Variants in SAMTOR observed in about 807,000 individuals in gnomAD.
SAMTOR encodes the protein UPF0532 protein C7orf60.
chr7:112,861,907 G>T, the SAMTOR span, among the ~76,000 whole-genome samples: 1 of 152,090 alleles, frequency 6.6e-6, no homozygotes, highest in Non-Finnish European at 1.5e-5. Flanking sequence ...TTGTATTTAT[G>T]ATTCCATCCT....
At chr7:112,886,885 GGCCAGGCACA>G in the SAMTOR span, among the ~76,000 whole-genome samples, 1 of 152,088 alleles carries the variant, frequency 6.6e-6, no homozygotes, top group South Asian at 2.1e-4. Context: ...GATCATACTG[GGCCAGGCACA>G]GCGGCTCACT....
At chr7:112,879,112 G>A in the SAMTOR span, among the ~76,000 whole-genome samples, 1 of 151,310 alleles carries the variant, frequency 6.6e-6, no homozygotes, top group South Asian at 2.1e-4. Flanking sequence ...TGGTTCAGGA[G>A]GTAGGAAAGG....
chr7:112,917,167 CCT>C, the SAMTOR span, among the ~76,000 whole-genome samples: 1 of 152,226 alleles, frequency 6.6e-6, no homozygotes, highest in African/African-American at 2.4e-5. Flanking sequence ...GTCCCTGACC[CCT>C]GACCCCCGAG....
the SAMTOR span, among the ~76,000 whole-genome samples, chr7:112,834,817 A>C: frequency 7.2e-5 from 11 of 152,052 alleles, no homozygotes; most frequent in Non-Finnish European, 1.5e-5. Context: ...TATGTGATTC[A>C]CCTCACTCCA....
chr7:112,833,106 T>C, the SAMTOR span, among the ~76,000 whole-genome samples: 2 of 150,520 alleles, frequency 1.3e-5, no homozygotes, highest in Non-Finnish European at 3.0e-5. Flanking sequence ...TTTTAAAAAA[T>C]ATATTTTTTC....
At chr7:112,933,095 A>G in the SAMTOR span, among the ~76,000 whole-genome samples, 2 of 152,204 alleles carry the variant, frequency 1.3e-5, no homozygotes, top group Non-Finnish European at 1.5e-5. Flanking sequence ...GAAGACATAA[A>G]GACAGAATAG....
the SAMTOR span, among the ~76,000 whole-genome samples, chr7:112,849,418 T>C: frequency 1.3e-5 from 2 of 152,224 alleles, no homozygotes; most frequent in African/African-American, 4.8e-5. Context: ...ATTTTACTTA[T>C]CTTCTTTAGG....
the SAMTOR span, among the ~76,000 whole-genome samples, chr7:112,838,949 T>C: frequency 6.6e-6 from 1 of 151,518 alleles, no homozygotes; most frequent in Non-Finnish European, 1.5e-5. Flanking sequence ...AGAGGTTTCA[T>C]AAGAAAGGAT....
the SAMTOR span, among the ~76,000 whole-genome samples, chr7:112,892,118 C>T: frequency 2.0e-5 from 3 of 151,782 alleles, no homozygotes; most frequent in Admixed American, 2.0e-4. Flanking sequence ...ATGTTCACAG[C>T]ATCTTCACCA....
chr7:112,901,093 GA>G, the SAMTOR span, among the ~76,000 whole-genome samples: 13 of 152,296 alleles, frequency 8.5e-5, no homozygotes, highest in African/African-American at 3.1e-4. Context: ...TCAAGAGAAT[GA>G]AAAGAAAAGC....
the SAMTOR span, among the ~76,000 whole-genome samples, chr7:112,876,299 C>T: frequency 1.3e-5 from 2 of 152,056 alleles, no homozygotes; most frequent in Non-Finnish European, 2.9e-5. Flanking sequence ...GATTTTTGAA[C>T]GTGTTTCTTA....
chr7:112,822,375 T>TG, the SAMTOR span: 3 of 1,574,762 alleles, frequency 1.9e-6, no homozygotes, highest in Admixed American at 5.8e-5. Context: ...ATAGACACTC[T>TG]GCAGAAACAG....
the SAMTOR span, among the ~76,000 whole-genome samples, chr7:112,931,715 T>C: frequency 2.6e-5 from 4 of 152,310 alleles, no homozygotes; most frequent in South Asian, 8.3e-4. Context: ...TCTAAATGCA[T>C]GAAGATTAAC....
the SAMTOR span, chr7:112,935,237 AT>A: frequency 2.2e-6 from 1 of 449,284 alleles, no homozygotes; most frequent in Non-Finnish European, 4.5e-6. Context: ...CTTGGTCAAA[AT>A]TTTAAAGCAG....
At chr7:112,890,672 TATATA>T in the SAMTOR span, among the ~76,000 whole-genome samples, 1 of 150,856 alleles carries the variant, frequency 6.6e-6, no homozygotes, top group Admixed American at 6.6e-5. Context: ...AAAGTATACA[TATATA>T]CATATATATG....
chr7:112,830,080 C>G, the SAMTOR span, among the ~76,000 whole-genome samples: 584 of 152,112 alleles, frequency 3.8e-3, 2 homozygotes, highest in African/African-American at 0.013. Context: ...TCCTAGGACT[C>G]TCAACTCCCT....
chr7:112,921,281 GAAATAACGCCGCAT>G, the SAMTOR span, among the ~76,000 whole-genome samples: 1 of 152,238 alleles, frequency 6.6e-6, no homozygotes, highest in African/African-American at 2.4e-5. Context: ...AGACGCCTCA[GAAATAACGCCGCAT>G]ATCTACAACT....
At chr7:112,830,106 T>C in the SAMTOR span, among the ~76,000 whole-genome samples, 1 of 152,100 alleles carries the variant, frequency 6.6e-6, no homozygotes, top group South Asian at 2.1e-4. Flanking sequence ...TCTTCACAAC[T>C]CACAGAATCA....
At chr7:112,850,208 A>G in the SAMTOR span, among the ~76,000 whole-genome samples, 1 of 152,108 alleles carries the variant, frequency 6.6e-6, no homozygotes, top group Admixed American at 6.6e-5. Flanking sequence ...TCTCAAAACA[A>G]CAACAACAAC....
Sources: gnomAD v4.1 joint callset for allele counts (sites outside exome capture counted in the v4.1 genomes callset) on GRCh38, gnomAD v4.1.1 for gene constraint, MANE v1.5 for transcripts, NCBI Gene and HGNC (gene_info 2026-07-23, HGNC 2026-07-21) for gene names.